NFYA: variants seen among roughly 807,000 people sequenced by gnomAD.
NFYA encodes CAAT-box DNA binding protein subunit A.
NFYA carries 28 observed loss-of-function variants against 52.8 expected under a neutral mutation model. That is an observed-to-expected ratio of 0.53 (90% confidence interval 0.39 to 0.73). The LOEUF (loss-of-function observed/expected upper bound fraction) is 0.73. Ranked by LOEUF, NFYA falls within the 30% of genes least tolerant of loss-of-function variation. The pLI is 0.00. For synonymous variants in NFYA, 150 were observed against 150.7 expected, an observed-to-expected ratio of 1.00 and a Z score of 0.03; for missense variants, 234 against 427.0, an observed-to-expected ratio of 0.55 and a Z score of 3.98.
chr6:41,080,542 G>A (rs1763877173), intron 2 of NFYA, among the ~76,000 whole-genome samples: 1 of 152,142 alleles, frequency 6.6e-6, no homozygotes, highest in African/African-American at 2.4e-5. Context: ...CCTGTTTCTG[G>A]AGGGAAAGAT....
At position 41,100,820 on chromosome 6, in the gene NFYA, A is replaced by T. The variant is rs377724115; in HGVS notation, c.*3410A>T. On this transcript the variant is annotated 3_prime_UTR_variant, in exon 10 of 10. Coordinates refer to ENST00000341376, the MANE Select transcript of NFYA (RefSeq NM_002505.5). ...CTCCTTTGAAAGCGCAGACCGCCGCACCTCCAGCCCCTTCTCCCCGGGGAA... is the reference window on the plus strand; with the variant it reads ...CTCCTTTGAAAGCGCAGACCGCCGCTCCTCCAGCCCCTTCTCCCCGGGGAA... Among the ~76,000 whole-genome samples, 215 of 152,292 alleles carry T rather than the reference A, an allele frequency of 1.4e-3. No homozygotes were observed. The highest frequency in any genetic ancestry group is 5.0e-3 in the African/African-American group (206 of 41,566).
In NFYA at chr6:41,101,120, G is replaced by A. The variant is rs1459613572; in HGVS notation, c.*3710G>A. On this transcript the variant is annotated 3_prime_UTR_variant, in exon 10 of 10. Coordinates refer to ENST00000341376, the MANE Select transcript of NFYA (RefSeq NM_002505.5). ...ACCTACTGGTCTTTCGGAAGCCTCG[G>A]GGATGGGAACCCGAGCTCGCCACGG... 2 of 152,240 alleles carry A rather than the reference G, an allele frequency of 1.3e-5. No homozygotes were observed. Among genetic ancestry groups the A allele is most frequent in the African/African-American group, 2.4e-5 (1 of 41,466 alleles). The allele number at this position is 152,240 out of a possible 1,614,324, so 9.4% of individuals were successfully genotyped here. A position where few individuals can be genotyped will look rare whatever the true frequency, so the allele number is the denominator to read the frequency against.
rs1229215353 is a variant in NFYA, at chr6:41,100,902, A to ATTGGCGTTGTCCCAAGGAAGCCTGCG, written c.*3493_*3518dup. 6.6e-6 allele frequency: 1 copy of ATTGGCGTTGTCCCAAGGAAGCCTGCG among 152,276 alleles called. No individual in the cohort carries two copies. The highest frequency in any genetic ancestry group is 2.4e-5 in the African/African-American group (1 of 41,468). 9.4% of individuals were successfully genotyped at this position (152,276 alleles called of 1,614,324 possible). A position where few individuals can be genotyped will look rare whatever the true frequency, so the allele number is the denominator to read the frequency against. On this transcript the variant is annotated 3_prime_UTR_variant, in exon 10 of 10. Transcript: ENST00000341376. ...GGGGCGGCGACTGAAGTCGCTTCCG[A>ATTGGCGTTGTCCCAAGGAAGCCTGCG]TTGGCGTTGTCCCAAGGAAGCCTGC... is the stretch of plus-strand genomic sequence containing the variant.
At chr6:41,075,398 T>G (rs1281446156) in intron 1 of NFYA, 1 of 152,258 alleles carries the variant, frequency 6.6e-6, no homozygotes. Context: ...TATGTTCTGG[T>G]CACTTCAAAA....
intron 3 of NFYA, 66 bp from the exon 4 acceptor site, chr6:41,083,980 T>G: frequency 2.7e-6 from 4 of 1,463,524 alleles, no homozygotes; most frequent in Non-Finnish European, 3.7e-6. Flanking sequence ...TTCCAGTGAT[T>G]GTCTTTTGGT....
intron 6 of NFYA, among the ~76,000 whole-genome samples, chr6:41,091,131 A>G (rs1274661183): frequency 2.0e-5 from 3 of 152,220 alleles, no homozygotes; most frequent in Admixed American, 1.3e-4. Flanking sequence ...TAATACTACA[A>G]CTGACTCATT....
intron 9 of NFYA, 49 bp from the exon 10 acceptor site, chr6:41,097,308 C>T (rs1018048948): frequency 6.3e-7 from 1 of 1,575,260 alleles, no homozygotes; most frequent in South Asian, 1.1e-5. Flanking sequence ...CCATGAGTTC[C>T]TGTTGCTTTT....
intron 5 of NFYA, 82 bp from the exon 6 acceptor site, chr6:41,090,122 A>AT: frequency 3.1e-6 from 3 of 968,436 alleles, no homozygotes; most frequent in East Asian, 2.5e-5. Flanking sequence ...TCAAAAAAAT[A>AT]ATTTTTTTTT....
Position 41,099,067 on chromosome 6 carries a change from GATAGAA to G in NFYA, c.*1663_*1668del, listed in dbSNP as rs1392769907. 1 of 152,182 alleles carries G rather than the reference GATAGAA, an allele frequency of 6.6e-6. No homozygotes were observed. The highest frequency in any genetic ancestry group is 1.5e-5 in the Non-Finnish European group (1 of 68,036). 9.4% of individuals were successfully genotyped at this position (152,182 alleles called of 1,614,324 possible). On this transcript the variant is annotated 3_prime_UTR_variant, in exon 10 of 10. Coordinates refer to ENST00000341376, the MANE Select transcript of NFYA (RefSeq NM_002505.5). The stretch of plus-strand genomic sequence containing the variant: ...CACCACAAAGAGAGATGATTGTAAT[GATAGAA>G]ATAGAGGTACAGAGCTATGCAAAGG...
chr6:41,080,926 A>C, intron 3 of NFYA, 29 bp downstream of exon 3: 1 of 1,545,930 alleles, frequency 6.5e-7, no homozygotes, highest in Non-Finnish European at 8.9e-7. Flanking sequence ...CTCTGTGAGC[A>C]CTGCATGAAC....
intron 1 of NFYA, chr6:41,075,817 G>T (rs1434964298): frequency 1.3e-5 from 2 of 151,812 alleles, no homozygotes; most frequent in East Asian, 1.9e-4. Context: ...TATCTCTTAG[G>T]ATTCCAGTAT....
At chr6:41,089,513 C>T in intron 4 of NFYA, 66 bp from the exon 5 acceptor site, 1 of 1,449,874 alleles carries the variant, frequency 6.9e-7, no homozygotes, top group Non-Finnish European at 9.1e-7. Flanking sequence ...ATGTGGATAA[C>T]TCTCGGGGAC....
intron 1 of NFYA, chr6:41,075,710 GAA>G (rs3216548): frequency 2.7e-4 from 37 of 137,948 alleles, no homozygotes; most frequent in Non-Finnish European, 4.9e-4. Context: ...TGATAGCAAA[GAA>G]AAAAAAAGTT....
At chr6:41,086,446 C>T (rs551434610) in intron 4 of NFYA, among the ~76,000 whole-genome samples, 9 of 152,094 alleles carry the variant, frequency 5.9e-5, no homozygotes, top group Non-Finnish European at 1.2e-4. Flanking sequence ...TATTCTGTTA[C>T]GTAAATAAAG....
chr6:41,094,389 G>C lies in NFYA; in HGVS notation c.889-7G>C. ...TAATAGTTAAATGGTTTTATTTCTCGTTTTAGAAATACCTGCATGAGTCTC... is the reference window on the plus strand; with the variant it reads ...TAATAGTTAAATGGTTTTATTTCTCCTTTTAGAAATACCTGCATGAGTCTC... On this transcript the variant is annotated splice_polypyrimidine_tract_variant and splice_region_variant and intron_variant, in intron 8 of 9. Transcript: ENST00000341376. 1 of 1,612,206 alleles carries C rather than the reference G, an allele frequency of 6.2e-7. No individual in the cohort carries two copies. Among genetic ancestry groups the C allele is most frequent in the Non-Finnish European group, 8.5e-7 (1 of 1,178,338 alleles).
rs1365730772 is a variant in NFYA, at chr6:41,091,535, C to T, written c.555C>T (p.Val185=). Residue 185 remains valine, a synonymous_variant, in exon 7 of 10, where the codon GTC becomes GTT. Coordinates refer to ENST00000341376, the MANE Select transcript of NFYA (RefSeq NM_002505.5). ...ADGTILQQVT[V]PVSGMITIPA... is the part of the protein sequence containing the mutation. The stretch of plus-strand genomic sequence containing the variant: ...TGTTTTGTTTTCTTAAAGTTACAGT[C>T]CCTGTTTCAGGCATGATCACTATCC... 6.2e-7 allele frequency: 1 copy of T among 1,613,334 alleles called. No homozygotes were observed. The highest frequency in any genetic ancestry group is 8.5e-7 in the Non-Finnish European group (1 of 1,179,842).
In NFYA at chr6:41,091,698, A is replaced by T; in HGVS notation, c.714+4A>T. On this transcript the variant is annotated splice_donor_region_variant and intron_variant, in intron 7 of 9. Transcript: ENST00000341376. ...CAATTCAGGAGGGATGGTCATGGTA[A>T]GAAAATGTATTTTTCAGCTTTGTCT... 1 of 1,607,082 alleles carries T rather than the reference A, an allele frequency of 6.2e-7. No homozygotes were observed.
intron 1 of NFYA, among the ~76,000 whole-genome samples, chr6:41,073,995 C>T (rs771538717): frequency 6.6e-6 from 1 of 151,518 alleles, no homozygotes; most frequent in African/African-American, 2.4e-5. Flanking sequence ...AAGATTGATA[C>T]CCTTGCGCAT....
At chr6:41,089,778 AT>A in intron 5 of NFYA, 68 bp downstream of exon 5, 1 of 1,569,008 alleles carries the variant, frequency 6.4e-7, no homozygotes, top group Non-Finnish European at 8.6e-7. Flanking sequence ...TGAGTCAGAT[AT>A]TTCATGTATA....
Sources: gnomAD v4.1 joint callset for allele counts (sites outside exome capture counted in the v4.1 genomes callset) on GRCh38, gnomAD v4.1.1 for gene constraint, MANE v1.5 for transcripts, NCBI Gene and HGNC (gene_info 2026-07-23, HGNC 2026-07-21) for gene names.